Variants in EDA observed in about 807,000 individuals in gnomAD.
The protein encoded by EDA is ectodysplasin A, also known as ectodysplasin-A.
EDA carries 2 observed loss-of-function variants against 23.6 expected under a neutral mutation model. The ratio of observed to expected loss-of-function variants is 0.08; its 90% confidence interval spans 0.03 to 0.27. EDA has a LOEUF of 0.27. EDA is among the 10% of genes least tolerant of loss of function. The pLI is 1.00. For synonymous variants in EDA, 131 were observed against 132.0 expected, an observed-to-expected ratio of 0.99 and a Z score of 0.05; for missense variants, 229 against 324.2, an observed-to-expected ratio of 0.71 and a Z score of 2.26.
Position 69,710,709 on chromosome X carries a change from C to A in EDA, c.396+94005C>A, listed in dbSNP as rs2011971045. On this transcript the variant is annotated intron_variant, in intron 1 of 7. Transcript: ENST00000374552. ...TTCTCCTTGAAGAGGTCCTTCACATCCCTTGTAAGTTGGATTCCTAGGCAT... is the reference window on the plus strand; with the variant it reads ...TTCTCCTTGAAGAGGTCCTTCACATACCTTGTAAGTTGGATTCCTAGGCAT... Among the ~76,000 whole-genome samples, 4 of 111,658 alleles carry A rather than the reference C, an allele frequency of 3.6e-5. No homozygotes were observed. In the Admixed American group the frequency reaches 3.8e-4, roughly 11 times the overall value.
At chrX:69,668,104 G>A (rs1266789712) in intron 1 of EDA, among the ~76,000 whole-genome samples, 1 of 112,085 alleles carries the variant, frequency 8.9e-6, no homozygotes, top group Non-Finnish European at 1.9e-5. Context: ...CATTTTTAAT[G>A]TAGGCATTTA....
chrX:69,773,304 A>T (rs2014689727), intron 1 of EDA, among the ~76,000 whole-genome samples: 1 of 112,298 alleles, frequency 8.9e-6, no homozygotes, highest in Non-Finnish European at 1.9e-5. Flanking sequence ...TTATACATTC[A>T]TCTATTATTG....
intron 1 of EDA, among the ~76,000 whole-genome samples, chrX:69,862,979 C>CTGAGT (rs765630927): frequency 2.0e-3 from 220 of 108,895 alleles, no homozygotes; most frequent in African/African-American, 6.8e-3. Flanking sequence ...TCTCAGATCC[C>CTGAGT]CTCACTCTAA....
chrX:69,997,372 C>CTT (rs1359853379), intron 2 of EDA, among the ~76,000 whole-genome samples: 1 of 111,720 alleles, frequency 9.0e-6, no homozygotes, highest in Admixed American at 9.5e-5. Context: ...GAACTTTGAA[C>CTT]TTGTGAGAGA....
intron 1 of EDA, among the ~76,000 whole-genome samples, chrX:69,724,007 G>T (rs760660764): frequency 2.7e-5 from 3 of 111,676 alleles, no homozygotes; most frequent in Non-Finnish European, 5.6e-5. Context: ...TGGTCAAATT[G>T]TAACTTGGAT....
At chrX:69,678,454 G>A (rs1287864321) in intron 1 of EDA, among the ~76,000 whole-genome samples, 2 of 111,897 alleles carry the variant, frequency 1.8e-5, no homozygotes, top group East Asian at 2.8e-4. Context: ...CTACCCATAA[G>A]CATGTAATGT....
chrX:69,923,011 G>A (rs2018458206), intron 1 of EDA, among the ~76,000 whole-genome samples: 1 of 111,501 alleles, frequency 9.0e-6, no homozygotes, highest in Admixed American at 9.6e-5. Flanking sequence ...CAGCAGTAAG[G>A]AGGACTAAAA....
intron 1 of EDA, among the ~76,000 whole-genome samples, chrX:69,780,627 A>T (rs2014913536): frequency 9.0e-6 from 1 of 111,210 alleles, no homozygotes; most frequent in South Asian, 3.8e-4. Flanking sequence ...AAGTGATTGG[A>T]TCATGGGGAC....
In EDA at chrX:70,035,603, A is replaced by G. The variant is rs1373879719; in HGVS notation, c.1170A>G (p.Ala390=). 8 of 1,207,340 alleles carry G rather than the reference A, an allele frequency of 6.6e-6. No individual in the cohort carries two copies. Among genetic ancestry groups the G allele is most frequent in the Non-Finnish European group, 7.8e-6 (7 of 894,522 alleles). The stretch of plus-strand genomic sequence containing the variant: ...CCATCAGGCTGGGTGAAGCCCCTGC[A>G]TCCTAGATTCCCCCCATTTTGCCTC... The part of the protein sequence containing the change: ...FGAIRLGEAP[A]S The change falls in exon 8 of 8, where the codon GCA becomes GCG. Residue 390 remains alanine (A), a synonymous_variant. Coordinates refer to ENST00000374552, the MANE Select transcript of EDA (RefSeq NM_001399.5).
intron 1 of EDA, among the ~76,000 whole-genome samples, chrX:69,786,286 T>G (rs1227714665): frequency 2.7e-5 from 3 of 110,719 alleles, no homozygotes; most frequent in Non-Finnish European, 3.8e-5. Context: ...GTGTCTCTAT[T>G]TCCTTCAGTT....
chrX:69,732,147 A>G (rs964981223), intron 1 of EDA, among the ~76,000 whole-genome samples: 4 of 111,657 alleles, frequency 3.6e-5, no homozygotes, highest in African/African-American at 1.3e-4. Context: ...CATGTGCACA[A>G]CGTGCAGGTT....
intron 2 of EDA, among the ~76,000 whole-genome samples, chrX:69,990,640 G>T (rs1299984431): frequency 9.1e-6 from 1 of 110,469 alleles, no homozygotes; most frequent in African/African-American, 3.3e-5. Flanking sequence ...TTTTTTTTCT[G>T]TAGTGTTTGA....
At chrX:70,028,280 C>A (rs964289842) in intron 4 of EDA, among the ~76,000 whole-genome samples, 1 of 111,471 alleles carries the variant, frequency 9.0e-6, no homozygotes, top group Non-Finnish European at 1.9e-5. Context: ...CATCTCAACC[C>A]TTCTGTTACA....
chrX:69,770,953 G>T (rs746981947), intron 1 of EDA, among the ~76,000 whole-genome samples: 2 of 111,889 alleles, frequency 1.8e-5, no homozygotes, highest in South Asian at 7.4e-4. Context: ...ATGTTCAACT[G>T]CTCTAGCATC....
At chrX:69,879,616 G>GA (rs1361082431) in intron 1 of EDA, among the ~76,000 whole-genome samples, 10 of 111,631 alleles carry the variant, frequency 9.0e-5, no homozygotes, top group Non-Finnish European at 1.9e-4. Context: ...TGAGAGTATG[G>GA]AAAAAGGAAC....
At chrX:69,887,337 T>A (rs2017844791) in intron 1 of EDA, among the ~76,000 whole-genome samples, 1 of 110,665 alleles carries the variant, frequency 9.0e-6, no homozygotes, top group African/African-American at 3.3e-5. Context: ...TAAATAAAAT[T>A]AAGAAAATAA....
intron 1 of EDA, among the ~76,000 whole-genome samples, chrX:69,783,701 G>A (rs62604171): frequency 0.025 from 2,800 of 111,117 alleles, 34 homozygotes; most frequent in Non-Finnish European, 0.035. Flanking sequence ...TGGACATTTC[G>A]GTTGGTTCCA....
chrX:69,960,004 G>A (rs908902269), intron 2 of EDA, among the ~76,000 whole-genome samples: 1 of 111,743 alleles, frequency 8.9e-6, no homozygotes, highest in Non-Finnish European at 1.9e-5. Flanking sequence ...CCAATCTAGA[G>A]CCTTGTTGGC....
chrX:69,906,672 G>A (rs1405486779), intron 1 of EDA, among the ~76,000 whole-genome samples: 1 of 111,298 alleles, frequency 9.0e-6, no homozygotes, highest in Admixed American at 9.7e-5. Context: ...GGTGCTGTCT[G>A]TATTCTCAAT....
Sources: allele counts gnomAD v4.1 joint callset (sites outside exome capture counted in the v4.1 genomes callset), GRCh38; gene constraint gnomAD v4.1.1; transcripts MANE v1.5; gene names NCBI Gene and HGNC (gene_info 2026-07-23, HGNC 2026-07-21).